Variants in ILDR2 observed in about 807,000 individuals in gnomAD.
ILDR2 encodes immunoglobulin like domain containing receptor 2, also known as immunoglobulin-like domain-containing receptor 2.
Under a neutral mutation model 66.8 loss-of-function variants are expected in ILDR2, and 25 were observed. The ratio of observed to expected loss-of-function variants is 0.37; its 90% CI spans 0.27 to 0.52. ILDR2 has a LOEUF of 0.52. ILDR2 is among the 20% of genes least tolerant of loss of function. The probability of loss-of-function intolerance (pLI) is 0.88; values close to 1 mark genes in which losing one functional copy is unlikely to be tolerated. For missense variants in ILDR2, 827 were observed against 876.8 expected, an observed-to-expected ratio of 0.94 and a Z score of 0.72; for synonymous variants, 367 against 357.2, an observed-to-expected ratio of 1.03 and a Z score of -0.31.
At chr1:166,927,907 A>G (rs1660398845) in intron 6 of ILDR2, among the ~76,000 whole-genome samples, 1 of 152,192 alleles carries the variant, frequency 6.6e-6, no homozygotes, top group Non-Finnish European at 1.5e-5. Flanking sequence ...GGGCTTAATA[A>G]AAAACAAAAC....
At chr1:166,946,509 G>A (rs372271592) in intron 3 of ILDR2, among the ~76,000 whole-genome samples, 20 of 152,108 alleles carry the variant, frequency 1.3e-4, no homozygotes, top group African/African-American at 4.3e-4. Flanking sequence ...GTTTTTGGCA[G>A]TAGTTATAAG....
At chr1:166,974,618 G>T (rs914219491) in intron 1 of ILDR2, among the ~76,000 whole-genome samples, 2 of 152,100 alleles carry the variant, frequency 1.3e-5, no homozygotes, top group African/African-American at 4.8e-5. Flanking sequence ...CTCCCCAAAT[G>T]ATACCAAGTA....
intron 2 of ILDR2, among the ~76,000 whole-genome samples, chr1:166,902,462 T>G (rs796426279): frequency 3.3e-5 from 5 of 152,318 alleles, no homozygotes; most frequent in African/African-American, 1.2e-4. Flanking sequence ...TCCAAGCCTA[T>G]TCCTTATTCA....
In ILDR2 at chr1:166,957,691, C is replaced by A; in HGVS notation, c.379+78G>T. ...GAAAGGGTGAGAGGCTAGAATATCA[C>A]CATATTGACATAAGGGAAGGGAAGA... On this transcript the variant is annotated intron_variant, in intron 2 of 9. Transcript: ENST00000271417. 4 of 1,259,214 alleles carry A rather than the reference C, an allele frequency of 3.2e-6. No individual in the cohort carries two copies. The South Asian group carries it at 5.6e-5, about 18-fold the overall frequency. 78.0% of individuals were successfully genotyped at this position (1,259,214 alleles called of 1,614,324 possible).
chr1:166,924,738 G>A (rs1404933967), intron 7 of ILDR2, among the ~76,000 whole-genome samples: 1 of 152,150 alleles, frequency 6.6e-6, no homozygotes, highest in Non-Finnish European at 1.5e-5. Context: ...AGTGGGGCTG[G>A]GCACGGTAGC....
chr1:166,922,537 T>C, intron 8 of ILDR2, 56 bp downstream of exon 8: 1 of 1,444,050 alleles, frequency 6.9e-7, no homozygotes, highest in Non-Finnish European at 9.7e-7. Context: ...CGATCTACCC[T>C]GCCTTCCAGC....
intron 1 of ILDR2, among the ~76,000 whole-genome samples, chr1:166,970,823 C>A (rs1441567813): frequency 6.6e-6 from 1 of 152,096 alleles, no homozygotes; most frequent in Non-Finnish European, 1.5e-5. Context: ...CAATGCCGAG[C>A]TGGGAGAGCT....
intron 2 of ILDR2, among the ~76,000 whole-genome samples, chr1:166,902,895 T>C (rs1321938769): frequency 6.6e-6 from 1 of 152,296 alleles, no homozygotes; most frequent in South Asian, 2.1e-4. Context: ...GACCTAGGAA[T>C]CATTTTTTTT....
chr1:166,906,547 T>C (rs1223303245), downstream of ILDR2, among the ~76,000 whole-genome samples: 1 of 152,032 alleles, frequency 6.6e-6, no homozygotes, highest in African/African-American at 2.4e-5. Flanking sequence ...AGCAAAGACG[T>C]AGAAAAGAAG....
In ILDR2 at chr1:166,921,355, C is replaced by G. The variant is rs921605284; in HGVS notation, c.1236G>C (p.Met412Ile). The change falls in exon 9 of 10, where the codon ATG (methionine) becomes ATC (isoleucine). Residue 412 changes from methionine (M) to isoleucine (I), a missense_variant. By Grantham distance (10) the Met-to-Ile change is conservative. Around this residue, in one of 2 missense-constraint regions of ILDR2, gnomAD observed 437 missense variants for 523.2 expected, o/e 0.84. Coordinates refer to ENST00000271417, the MANE Select transcript of ILDR2 (RefSeq NM_199351.3). This position sits in a 1 kb window ranked among gnomAD's most constrained non-coding sequence, Gnocchi z 5.3. ...CCGTGGCGAAGTTCTTCCGCGACAGCATCTCCGACTTGGAGCGCGGCTGGC... is the reference window on the plus strand; with the variant it reads ...CCGTGGCGAAGTTCTTCCGCGACAGGATCTCCGACTTGGAGCGCGGCTGGC... The part of the protein sequence containing the change: ...RHSQPRSKSE[M>I]LSRKNFATGV... The G allele has an allele frequency of 1.4e-5, 22 of 1,576,778 alleles. No homozygotes were observed. Among genetic ancestry groups the G allele is most frequent in the Non-Finnish European group, 1.8e-5 (21 of 1,157,308 alleles).
intron 3 of ILDR2, among the ~76,000 whole-genome samples, chr1:166,952,529 T>C (rs1237001591): frequency 6.6e-6 from 1 of 152,198 alleles, no homozygotes; most frequent in African/African-American, 2.4e-5. Flanking sequence ...CTTTGGATAT[T>C]TCTGAAACCA....
At chr1:166,899,911 T>C (rs1659232551) in intron 2 of ILDR2, among the ~76,000 whole-genome samples, 2 of 152,206 alleles carry the variant, frequency 1.3e-5, no homozygotes, top group Admixed American at 6.5e-5. Context: ...AATGCAAGGA[T>C]TGGCTCTACT....
chr1:166,948,280 C>T (rs1661759108), intron 3 of ILDR2, among the ~76,000 whole-genome samples: 1 of 152,194 alleles, frequency 6.6e-6, no homozygotes, highest in South Asian at 2.1e-4. Flanking sequence ...TTGGCCTAGA[C>T]AGTTCCGGTT....
At chr1:166,946,882 A>G (rs557714657) in intron 3 of ILDR2, among the ~76,000 whole-genome samples, 3 of 152,226 alleles carry the variant, frequency 2.0e-5, no homozygotes, top group Non-Finnish European at 4.4e-5. Flanking sequence ...ATTAAAATAC[A>G]ATTTTTGGAT....
chr1:166,919,087 T>G lies in ILDR2; in HGVS notation c.*268A>C, dbSNP rs1195536708. Reference sequence around the variant, plus strand: ...TGTTAAGGGAGGAGGCTGGGCAGGATAAACGCTATAGTTGAGAAACTCTGT... The same window carrying G: ...TGTTAAGGGAGGAGGCTGGGCAGGAGAAACGCTATAGTTGAGAAACTCTGT... On this transcript the variant is annotated 3_prime_UTR_variant, in exon 10 of 10. Coordinates refer to ENST00000271417, the MANE Select transcript of ILDR2 (RefSeq NM_199351.3). 2.0e-6 allele frequency: 1 copy of G among 499,950 alleles called. No individual in the cohort carries two copies. Among genetic ancestry groups the G allele is most frequent in the Non-Finnish European group, 3.6e-6 (1 of 281,554 alleles). The allele number at this position is 499,950 out of a possible 1,614,324, so 31.0% of individuals were successfully genotyped here.
At chr1:166,935,169 A>G in intron 6 of ILDR2, 132 bp downstream of exon 6, 1 of 898,358 alleles carries the variant, frequency 1.1e-6, no homozygotes, top group Non-Finnish European at 1.8e-6. Flanking sequence ...ACATAGCTGG[A>G]AGGATCCCAT....
chr1:166,952,530 T>G (rs1365976417), intron 3 of ILDR2, among the ~76,000 whole-genome samples: 4 of 152,224 alleles, frequency 2.6e-5, no homozygotes, highest in Non-Finnish European at 5.9e-5. Flanking sequence ...TTTGGATATT[T>G]CTGAAACCAC....
intron 3 of ILDR2, among the ~76,000 whole-genome samples, chr1:166,946,643 G>A (rs1385823365): frequency 6.6e-6 from 1 of 152,142 alleles, no homozygotes; most frequent in Non-Finnish European, 1.5e-5. Context: ...GAGGCTCTGA[G>A]AGGTTAAGAA....
intron 3 of ILDR2, among the ~76,000 whole-genome samples, chr1:166,952,326 A>G (rs1276815936): frequency 6.6e-6 from 1 of 152,198 alleles, no homozygotes; most frequent in Non-Finnish European, 1.5e-5. Flanking sequence ...TGGCCCTATG[A>G]TCCCAAATGA....
Sources: gnomAD v4.1 joint callset for allele counts (sites outside exome capture counted in the v4.1 genomes callset) on GRCh38, gnomAD v4.1.1 for gene constraint, gnomAD v4.1.1 regional missense constraint, Gnocchi (gnomAD v3.1) non-coding constraint, MANE v1.5 for transcripts, NCBI Gene and HGNC (gene_info 2026-07-23, HGNC 2026-07-21) for gene names.